The following SLC44A5 variants were observed in gnomAD, a reference collection of about 807,000 sequenced individuals.
SLC44A5 encodes the protein solute carrier family 44 member 5, also known as choline transporter-like protein 5.
A neutral mutation model predicts 101.8 loss-of-function variants in SLC44A5; 57 were observed. The observed-to-expected ratio is 0.56, with a 90% CI of 0.45 to 0.70. The LOEUF is 0.70. Among genes scored for constraint, SLC44A5 ranks in the 30% least tolerant of loss-of-function variants. The pLI, the probability that SLC44A5 is intolerant of heterozygous loss-of-function variation, is 0.00. For missense variants in SLC44A5, 737 were observed against 853.1 expected (o/e 0.86, Z 1.70); for synonymous variants, 281 against 290.9 (o/e 0.97, Z 0.35).
chr1:75,424,898 A>G (rs1363436360), intron 2 of SLC44A5, among the ~76,000 whole-genome samples: 1 of 152,248 alleles, frequency 6.6e-6, no homozygotes, highest in Non-Finnish European at 1.5e-5. Flanking sequence ...AAATAACAAA[A>G]ACATATACAA....
rs368038554 is a variant in SLC44A5 at position 75,446,850 on chromosome 1, T to C, written c.14-50229A>G. Among the ~76,000 whole-genome samples the C allele has an allele frequency of 2.7e-4, 41 of 152,302 alleles. No homozygotes were observed. In the South Asian group the frequency reaches 8.1e-3, roughly 30 times the overall value. On this transcript the variant is annotated intron_variant, in intron 2 of 23. Coordinates refer to ENST00000370859, the MANE Select transcript of SLC44A5 (RefSeq NM_001130058.2). ...AAAATCTGCTTGCTTCCTAGTAGAA[T>C]AGTTATTTCTTAAACTGACTTTCCC...
chr1:75,714,195 G>C, the SLC44A5 span, among the ~76,000 whole-genome samples: 1 of 152,132 alleles, frequency 6.6e-6, no homozygotes, highest in African/African-American at 2.4e-5. Flanking sequence ...GATCAAGTAG[G>C]CTTTATCCCT....
intron 11 of SLC44A5, among the ~76,000 whole-genome samples, chr1:75,236,497 T>C (rs532603022): frequency 6.6e-6 from 1 of 152,154 alleles, no homozygotes; most frequent in Admixed American, 6.6e-5. Flanking sequence ...TGTAGCTATG[T>C]AGCTTTCATA....
intron 2 of SLC44A5, among the ~76,000 whole-genome samples, chr1:75,423,166 T>G (rs913044951): frequency 1.3e-5 from 2 of 152,188 alleles, no homozygotes; most frequent in African/African-American, 4.8e-5. Context: ...GCTATAGTAC[T>G]CTCTACGGAA....
chr1:75,513,378 A>G (rs1669663351), intron 2 of SLC44A5, among the ~76,000 whole-genome samples: 1 of 152,194 alleles, frequency 6.6e-6, no homozygotes, highest in East Asian at 1.9e-4. Context: ...TATTTTATTC[A>G]TAGAGTTTAA....
At chr1:75,516,574 G>T (rs1045363484) in intron 2 of SLC44A5, among the ~76,000 whole-genome samples, 11 of 151,980 alleles carry the variant, frequency 7.2e-5, no homozygotes, top group Non-Finnish European at 1.2e-4. Flanking sequence ...GATTACATGA[G>T]GTCAAGGTTT....
At chr1:75,362,724 C>A (rs1659580590) in intron 3 of SLC44A5, among the ~76,000 whole-genome samples, 1 of 152,018 alleles carries the variant, frequency 6.6e-6, no homozygotes, top group Admixed American at 6.6e-5. Flanking sequence ...TATGACCTAT[C>A]TTGGAGAATG....
At chr1:75,591,957 T>G (rs533705256) in intron 1 of SLC44A5, among the ~76,000 whole-genome samples, 1 of 152,106 alleles carries the variant, frequency 6.6e-6, no homozygotes, top group Non-Finnish European at 1.5e-5. Context: ...GCCTTTCCTC[T>G]AAGATATGGG....
At chr1:75,719,260 G>A in the SLC44A5 span, among the ~76,000 whole-genome samples, 1 of 152,124 alleles carries the variant, frequency 6.6e-6, no homozygotes, top group Non-Finnish European at 1.5e-5. Context: ...GTGAATCCTT[G>A]GCTTTGCTTC....
intron 4 of SLC44A5, among the ~76,000 whole-genome samples, chr1:75,318,869 C>A (rs1655918363): frequency 6.6e-6 from 1 of 152,136 alleles, no homozygotes; most frequent in South Asian, 2.1e-4. Flanking sequence ...TGCTTCCTGT[C>A]CTTCAACACC....
intron 5 of SLC44A5, among the ~76,000 whole-genome samples, chr1:75,287,522 T>C (rs1162405588): frequency 3.4e-5 from 5 of 145,692 alleles, no homozygotes; most frequent in African/African-American, 1.2e-4. Context: ...TAAAAAACCT[T>C]GTTTTGTCAT....
chr1:75,544,962 C>T (rs1049061209), intron 1 of SLC44A5, among the ~76,000 whole-genome samples: 1 of 152,042 alleles, frequency 6.6e-6, no homozygotes, highest in Non-Finnish European at 1.5e-5. Flanking sequence ...CACCCATCAA[C>T]CTGTAATCTA....
intron 4 of SLC44A5, among the ~76,000 whole-genome samples, chr1:75,306,362 G>C (rs1244952032): frequency 6.6e-6 from 1 of 152,128 alleles, no homozygotes; most frequent in Admixed American, 6.5e-5. Flanking sequence ...TTATTAGTGA[G>C]ATGCACCCTT....
chr1:75,686,120 C>G, the SLC44A5 span, among the ~76,000 whole-genome samples: 1 of 152,140 alleles, frequency 6.6e-6, no homozygotes, highest in Non-Finnish European at 1.5e-5. Flanking sequence ...TACCTCTCAC[C>G]AGGTCCCTCC....
chr1:75,524,075 G>T (rs979232867), intron 2 of SLC44A5, among the ~76,000 whole-genome samples: 3 of 152,192 alleles, frequency 2.0e-5, no homozygotes, highest in Non-Finnish European at 2.9e-5. Flanking sequence ...ATTATAATCT[G>T]CAGTGTTTGA....
At chr1:75,703,759 C>A in the SLC44A5 span, among the ~76,000 whole-genome samples, 1 of 151,932 alleles carries the variant, frequency 6.6e-6, no homozygotes, top group Non-Finnish European at 1.5e-5. Context: ...GGTCAGGTGC[C>A]ACGCCTGTTC....
chr1:75,284,090 A>G (rs530917684), intron 5 of SLC44A5, among the ~76,000 whole-genome samples: 3 of 152,270 alleles, frequency 2.0e-5, no homozygotes, highest in African/African-American at 7.2e-5. Context: ...TGTTTTCAGC[A>G]GTATGGTCAT....
the SLC44A5 span, among the ~76,000 whole-genome samples, chr1:75,629,819 T>C: frequency 1.3e-5 from 2 of 152,038 alleles, no homozygotes; most frequent in Non-Finnish European, 2.9e-5. Context: ...AATGAGAACA[T>C]AAAATCAATT....
At chr1:75,708,391 G>T in the SLC44A5 span, among the ~76,000 whole-genome samples, 1 of 117,838 alleles carries the variant, frequency 8.5e-6, no homozygotes, top group African/African-American at 3.4e-5. Context: ...TCCAGCCTGT[G>T]TGACAGAGCA....
Sources: allele counts gnomAD v4.1 joint callset (sites outside exome capture counted in the v4.1 genomes callset), GRCh38; gene constraint gnomAD v4.1.1; transcripts MANE v1.5; gene names NCBI Gene and HGNC (gene_info 2026-07-23, HGNC 2026-07-21).